The following BCAP29 variants were observed in gnomAD, a reference collection of about 807,000 sequenced individuals.
BCAP29 encodes the protein B-cell receptor-associated protein 29.
In BCAP29, 34 loss-of-function variants were observed where a neutral mutation model predicts 31.8. The ratio of observed to expected loss-of-function variants is 1.07; its 90% CI spans 0.81 to 1.42. The LOEUF is 1.42. Among genes scored for constraint, BCAP29 ranks in the 40% most tolerant of loss-of-function variants. The probability of loss-of-function intolerance (pLI) is 0.00; values close to 1 mark genes in which losing one functional copy is unlikely to be tolerated. For missense variants in BCAP29, 314 were observed against 269.2 expected, an observed-to-expected ratio of 1.17 and a Z score of -1.16; for synonymous variants, 104 against 91.3, an observed-to-expected ratio of 1.14 and a Z score of -0.79.
chr7:107,612,414 T>TA (rs1813331748), intron 6 of BCAP29, among the ~76,000 whole-genome samples: 1 of 121,352 alleles, frequency 8.2e-6, no homozygotes, highest in African/African-American at 3.4e-5. Flanking sequence ...TATATATATA[T>TA]ATATATATAT....
intron 6 of BCAP29, among the ~76,000 whole-genome samples, chr7:107,604,807 A>G (rs1811797408): frequency 6.7e-6 from 1 of 150,296 alleles, no homozygotes; most frequent in African/African-American, 2.4e-5. Context: ...CCCTTCTTGT[A>G]TCAACTGAAA....
At position 107,595,719 on chromosome 7, in the gene BCAP29, T is replaced by C. The variant is rs1027489860; in HGVS notation, c.345-148T>C. 5.2e-6 allele frequency: 4 copies of C among 765,360 alleles called. No individual in the cohort carries two copies. The Admixed American group carries it at 1.2e-4, about 23-fold the overall frequency. The allele number at this position is 765,360 out of a possible 1,614,324, so 47.4% of individuals were successfully genotyped here. A position where few individuals can be genotyped will look rare whatever the true frequency, so the allele number is the denominator to read the frequency against. ...ACGGGCCTGTTTTTACTAAGAGACTTGAATTAAAAAAAGAATAATGGGTTC... is the reference window on the plus strand; with the variant it reads ...ACGGGCCTGTTTTTACTAAGAGACTCGAATTAAAAAAAGAATAATGGGTTC... On this transcript the variant is annotated intron_variant, in intron 4 of 7. Transcript: ENST00000005259.
chr7:107,618,504 G>T lies in BCAP29; in HGVS notation c.*141G>T. 4 of 1,611,232 alleles carry T rather than the reference G, an allele frequency of 2.5e-6. No homozygotes were observed. Among genetic ancestry groups the T allele is most frequent in the African/African-American group, 1.3e-5 (1 of 74,906 alleles). On this transcript the variant is annotated 3_prime_UTR_variant, in exon 8 of 8. Coordinates refer to ENST00000005259, the MANE Select transcript of BCAP29 (RefSeq NM_018844.4). ...GCCACACATAGGTTGTATTGTAATGGCATTATCAAAATATTTGATGATGTT... is the reference window on the plus strand; with the variant it reads ...GCCACACATAGGTTGTATTGTAATGTCATTATCAAAATATTTGATGATGTT...
At chr7:107,589,012 C>G (rs1203025257) in intron 3 of BCAP29, among the ~76,000 whole-genome samples, 1 of 152,144 alleles carries the variant, frequency 6.6e-6, no homozygotes, top group Admixed American at 6.5e-5. Flanking sequence ...AACCTTTCCA[C>G]TAAAATCACA....
At chr7:107,615,419 AC>A (rs1376355300) in intron 7 of BCAP29, 3 of 421,876 alleles carry the variant, frequency 7.1e-6, no homozygotes, top group Non-Finnish European at 1.4e-5. Flanking sequence ...ACAAGGTGAA[AC>A]CCTGTCTCTA....
chr7:107,602,066 C>T (rs1449170653), intron 6 of BCAP29, among the ~76,000 whole-genome samples: 2 of 152,072 alleles, frequency 1.3e-5, no homozygotes, highest in African/African-American at 4.8e-5. Context: ...AAAAAATGAA[C>T]TCTTTGACAA....
intron 7 of BCAP29, among the ~76,000 whole-genome samples, chr7:107,617,076 G>A (rs565987727): frequency 2.0e-5 from 3 of 152,158 alleles, no homozygotes; most frequent in South Asian, 4.1e-4. Context: ...TTTAATGTTC[G>A]TCTGAGCCCT....
chr7:107,617,994 T>C (rs1426894812), intron 7 of BCAP29, among the ~76,000 whole-genome samples: 1 of 152,182 alleles, frequency 6.6e-6, no homozygotes, highest in Non-Finnish European at 1.5e-5. Context: ...AGCTGAGGTT[T>C]TTGTCCCTTC....
chr7:107,613,511 C>T, intron 7 of BCAP29, 79 bp downstream of exon 7: 1 of 1,344,800 alleles, frequency 7.4e-7, no homozygotes, highest in Non-Finnish European at 1.0e-6. Context: ...GTTATTTGTC[C>T]TTAACTAATC....
At chr7:107,616,012 A>G (rs1315939302) in intron 7 of BCAP29, 4 of 152,290 alleles carry the variant, frequency 2.6e-5, no homozygotes, top group African/African-American at 7.2e-5. Context: ...ATTAACCACT[A>G]TGTTCTTTGG....
intron 2 of BCAP29, among the ~76,000 whole-genome samples, chr7:107,582,697 C>A (rs546960949): frequency 6.6e-6 from 1 of 152,218 alleles, no homozygotes; most frequent in East Asian, 1.9e-4. Flanking sequence ...ATAGTGAGAA[C>A]ACAATAGGTA....
intron 7 of BCAP29, among the ~76,000 whole-genome samples, chr7:107,616,966 T>TGAC (rs1480474844): frequency 6.6e-6 from 1 of 152,216 alleles, no homozygotes; most frequent in Non-Finnish European, 1.5e-5. Flanking sequence ...CTCGAACTCC[T>TGAC]GACCTCAAGC....
intron 2 of BCAP29, among the ~76,000 whole-genome samples, chr7:107,582,948 C>T (rs769519945): frequency 2.0e-5 from 3 of 152,064 alleles, no homozygotes; most frequent in Non-Finnish European, 4.4e-5. Flanking sequence ...CTGTATGAAT[C>T]TCCCTCAACC....
At chr7:107,584,477 G>GT (rs1807268154) in intron 3 of BCAP29, among the ~76,000 whole-genome samples, 2 of 152,350 alleles carry the variant, frequency 1.3e-5, no homozygotes, top group Admixed American at 6.5e-5. Context: ...GGGAGGCCAA[G>GT]GCGGGAGGAT....
At chr7:107,593,809 T>TACTGTAG (rs1186610655) in intron 3 of BCAP29, 146 bp from the exon 4 acceptor site, 1 of 681,412 alleles carries the variant, frequency 1.5e-6, no homozygotes, top group African/African-American at 1.8e-5. Context: ...AGTTCCCGGG[T>TACTGTAG]ACTGTAGACG....
chr7:107,621,520 A>G (rs535294192), downstream of BCAP29: 32 of 357,642 alleles, frequency 8.9e-5, no homozygotes, highest in South Asian at 6.4e-4. Context: ...GAACCTGGAA[A>G]TGTTCTCTTC....
chr7:107,611,292 G>A (rs530401749), intron 6 of BCAP29, among the ~76,000 whole-genome samples: 1 of 152,188 alleles, frequency 6.6e-6, no homozygotes, highest in Admixed American at 6.5e-5. Flanking sequence ...GTAGGCCAGG[G>A]GCAGTGGCTC....
Position 107,595,987 on chromosome 7 carries a change from C to T in BCAP29, c.465C>T (p.Asn155=), listed in dbSNP as rs756773696. ...NKAAKKFMEE[N]EKLKRILKSH... ...CTGCCAAAAAATTTATGGAAGAAAACGAAAAACTAAAAAGGGTATTTAATT... is the reference window on the plus strand; with the variant it reads ...CTGCCAAAAAATTTATGGAAGAAAATGAAAAACTAAAAAGGGTATTTAATT... The change falls in exon 5 of 8, where the codon AAC becomes AAT. Residue 155 remains asparagine (N), a synonymous_variant. Coordinates refer to ENST00000005259, the MANE Select transcript of BCAP29 (RefSeq NM_018844.4). The T allele has an allele frequency of 1.5e-5, 23 of 1,563,890 alleles. No homozygotes were observed. The highest frequency in any genetic ancestry group is 9.8e-5 in the South Asian group (8 of 81,624).
At chr7:107,600,227 T>C (rs1040820036) in intron 5 of BCAP29, 170 bp from the exon 6 acceptor site, 21 of 649,606 alleles carry the variant, frequency 3.2e-5, no homozygotes, top group African/African-American at 3.1e-4. Context: ...TTCCCAAATA[T>C]TAAGTTTCTG....
Sources: gnomAD v4.1 joint callset for allele counts (sites outside exome capture counted in the v4.1 genomes callset) on GRCh38, gnomAD v4.1.1 for gene constraint, MANE v1.5 for transcripts, NCBI Gene and HGNC (gene_info 2026-07-23, HGNC 2026-07-21) for gene names.